Variants in LOXL3 observed in about 807,000 individuals in gnomAD.
The protein encoded by LOXL3 is lysyl oxidase homolog 3.
In LOXL3, 60 loss-of-function variants were observed where a neutral mutation model predicts 91.8. That is an observed-to-expected ratio of 0.65 (90% CI 0.53 to 0.81). LOXL3 has a LOEUF of 0.81. Ranked by LOEUF, LOXL3 falls within the 30% of genes least tolerant of loss-of-function variation. The pLI is 0.00. For missense variants in LOXL3, 874 were observed against 1,000.4 expected (o/e 0.87, Z 1.70); for synonymous variants, 355 against 387.6 (o/e 0.92, Z 0.99).
chr2:74,543,721 T>C (rs1431929243), intron 4 of LOXL3, among the ~76,000 whole-genome samples: 2 of 150,570 alleles, frequency 1.3e-5, no homozygotes, highest in East Asian at 4.0e-4. Context: ...AGAAACCCCA[T>C]CTTTACTAAA....
chr2:74,540,138 C>T (rs1676241661), intron 4 of LOXL3, among the ~76,000 whole-genome samples: 1 of 152,174 alleles, frequency 6.6e-6, no homozygotes, highest in Admixed American at 6.5e-5. Flanking sequence ...TGAGCCACCG[C>T]ACCTGGCTGA....
chr2:74,549,122 G>A lies in LOXL3; in HGVS notation c.692+247C>T. The A allele has an allele frequency of 2.7e-6, 1 of 369,812 alleles. No homozygotes were observed. The highest frequency in any genetic ancestry group is 4.2e-5 in the East Asian group (1 of 23,762). 22.9% of individuals were successfully genotyped at this position (369,812 alleles called of 1,614,324 possible). ...CCGGGGCCGAGGAATCCGCCTGCCCGCCCAGGCGTCGGCCACGAGAGAGCG... is the reference window on the plus strand; with the variant it reads ...CCGGGGCCGAGGAATCCGCCTGCCCACCCAGGCGTCGGCCACGAGAGAGCG... On this transcript the variant is annotated intron_variant, in intron 4 of 13. Transcript: ENST00000264094. The surrounding 1 kb of genome is among the most constrained non-coding windows in gnomAD (Gnocchi z 5.3).
Position 74,552,801 on chromosome 2 carries a change from G to C in LOXL3, c.-12-155C>G, listed in dbSNP as rs1677104049. On this transcript the variant is annotated intron_variant, in intron 1 of 13. Coordinates refer to ENST00000264094, the MANE Select transcript of LOXL3 (RefSeq NM_032603.5). ...AGAGAAAGAGCCCCAGGGACCAAGA[G>C]ACAGGGAGAGAAACACATTAAATAA... 3 of 653,764 alleles carry C rather than the reference G, an allele frequency of 4.6e-6. No homozygotes were observed. The Admixed American group carries it at 9.2e-5, about 20-fold the overall frequency. 40.5% of individuals were successfully genotyped at this position (653,764 alleles called of 1,614,324 possible). A position where few individuals can be genotyped will look rare whatever the true frequency, so the allele number is the denominator to read the frequency against.
At position 74,536,052 on chromosome 2, in the gene LOXL3, G is replaced by A; in HGVS notation, c.1192C>T (p.His398Tyr). 6.2e-7 allele frequency: 1 copy of A among 1,610,196 alleles called. No individual in the cohort carries two copies. Among genetic ancestry groups the A allele is most frequent in the Non-Finnish European group, 8.5e-7 (1 of 1,178,160 alleles). The stretch of plus-strand genomic sequence containing the variant: ...CACCGGACCCCGGCATCCTGGCTAT[G>A]TGAACAATCCTCAGCTGTGATGTTC... ...HKNITAEDCSHSQDAGVRCNL... is the reference protein window; with the variant it reads ...HKNITAEDCSYSQDAGVRCNL... Residue 398 changes from histidine (H) to tyrosine (Y), a missense_variant, in exon 7 of 14, where the codon CAT (histidine) becomes TAT (tyrosine). Physicochemically the swap from His to Tyr is moderately conservative, Grantham distance 83. Transcript: ENST00000264094. This position sits in a 1 kb window ranked among gnomAD's most constrained non-coding sequence, Gnocchi z 4.5.
In LOXL3 at chr2:74,533,131, AATC is replaced by A. The variant is rs1336082166; in HGVS notation, c.*472_*474del. On this transcript the variant is annotated 3_prime_UTR_variant, in exon 14 of 14. Coordinates refer to ENST00000264094, the MANE Select transcript of LOXL3 (RefSeq NM_032603.5). ...CAGCACTGACTCCTGGGCTCTGAAG[AATC>A]ACAGAAACACTTTTTATATAAAATA... The A allele has an allele frequency of 2.5e-5, 17 of 674,116 alleles. 1 individual carries two copies. In the East Asian group the frequency reaches 4.6e-4, roughly 18 times the overall value. The allele number at this position is 674,116 out of a possible 1,614,324, so 41.8% of individuals were successfully genotyped here.
chr2:74,534,219 C>T lies in LOXL3; in HGVS notation c.1957G>A (p.Glu653Lys), dbSNP rs768559100. ...ECQEDVSKRY[E>K]CANFGEQGIT... ...CCTTGCTCTCCAAAGTTGGCACACT[C>T]ATACCGCTTGGAGACATCTGGAGGG... is the stretch of plus-strand genomic sequence containing the variant. Residue 653 changes from glutamate to lysine, a missense_variant, in exon 12 of 14, where the codon GAG becomes AAG. Glu to Lys is a moderately conservative substitution (Grantham distance 56, BLOSUM62 1). Transcript: ENST00000264094. The T allele has an allele frequency of 2.5e-6, 4 of 1,614,220 alleles. No individual in the cohort carries two copies. Among genetic ancestry groups the T allele is most frequent in the Non-Finnish European group, 8.5e-7 (1 of 1,180,044 alleles).
chr2:74,552,282 A>T, intron 2 of LOXL3, 40 bp downstream of exon 2: 4 of 1,560,358 alleles, frequency 2.6e-6, no homozygotes. Context: ...CTTTGGCCAC[A>T]CATAGGAAAT....
Position 74,549,475 on chromosome 2 carries a change from C to G in LOXL3, c.586G>C (p.Gly196Arg), listed in dbSNP as rs201296491. 1.9e-6 allele frequency: 3 copies of G among 1,613,380 alleles called. No homozygotes were observed. The South Asian group carries it at 3.3e-5, about 18-fold the overall frequency. The change falls in exon 4 of 14, where the codon GGC (glycine) becomes CGC (arginine). Residue 196 changes from glycine (G) to arginine (R), a missense_variant. By Grantham distance (125) the Gly-to-Arg change is moderately radical. Coordinates refer to ENST00000264094, the MANE Select transcript of LOXL3 (RefSeq NM_032603.5). The surrounding 1 kb of genome is among the most constrained non-coding windows in gnomAD (Gnocchi z 5.3). ...EGLVEVRLPD[G>R]WSQVCDKGWS... is the part of the protein sequence containing the mutation. ...CCTTTGTCGCACACTTGCGACCAGC[C>G]GTCAGGAAGCCTGACTTCCACCAGC...
At position 74,535,700 on chromosome 2, in the gene LOXL3, C is replaced by G. The variant is rs1324233550; in HGVS notation, c.1304G>C (p.Gly435Ala). 6.2e-7 allele frequency: 1 copy of G among 1,604,370 alleles called. No homozygotes were observed. The highest frequency in any genetic ancestry group is 8.5e-7 in the Non-Finnish European group (1 of 1,177,276). Residue 435 changes from glycine to alanine, a missense_variant, in exon 8 of 14, where the codon GGG becomes GCG. Physicochemically the swap from Gly to Ala is moderately conservative, Grantham distance 60 (BLOSUM62 0). Transcript: ENST00000264094. This position sits in a 1 kb window ranked among gnomAD's most constrained non-coding sequence, Gnocchi z 4.2. ...QHEGRVEVQI[G>A]GPGPLRWGLI... ...GCCCCAGCGAAGGGGCCCAGGTCCC[C>G]CTATTTGCACCTCGACTCGCCCCTC...
chr2:74,536,918 G>A lies in LOXL3; in HGVS notation c.703C>T (p.Gln235Ter). ...VNAAFYRLLA[Q>*]RQQHSFGLHG... Reference sequence around the variant, plus strand: ...AGACCAAAGGAGTGTTGCTGCCGTTGGGCTAGCAGCCTAGGGGGACAGGAG... The same window carrying A: ...AGACCAAAGGAGTGTTGCTGCCGTTAGGCTAGCAGCCTAGGGGGACAGGAG... Residue 235 changes from glutamine to a stop codon, truncating the protein, a stop_gained, in exon 5 of 14, where the codon CAA becomes TAA. Transcript: ENST00000264094. LOFTEE classifies it high-confidence loss of function. This position sits in a 1 kb window ranked among gnomAD's most constrained non-coding sequence, Gnocchi z 4.5. 6.2e-7 allele frequency: 1 copy of A among 1,614,114 alleles called. No individual in the cohort carries two copies. Among genetic ancestry groups the A allele is most frequent in the Non-Finnish European group, 8.5e-7 (1 of 1,179,986 alleles).
Position 74,534,408 on chromosome 2 carries a change from A to G in LOXL3, c.1847T>C (p.Phe616Ser). The change falls in exon 11 of 14, where the codon TTC (phenylalanine) becomes TCC (serine). Residue 616 changes from phenylalanine to serine, a missense_variant. By Grantham distance (155) the Phe-to-Ser change is radical (BLOSUM62 -2). Coordinates refer to ENST00000264094, the MANE Select transcript of LOXL3 (RefSeq NM_032603.5). Reference sequence around the variant, plus strand: ...TGGGGTGAGGATATCATAGTGAGTGAAGATGTCCATGCTGTGGTAATGCCT... The same window carrying G: ...TGGGGTGAGGATATCATAGTGAGTGGAGATGTCCATGCTGTGGTAATGCCT... Reference protein sequence around the residue: ...CHGHYHSMDIFTHYDILTPNG... With the variant: ...CHGHYHSMDISTHYDILTPNG... The G allele has an allele frequency of 6.2e-7, 1 of 1,614,208 alleles. No individual in the cohort carries two copies. The highest frequency in any genetic ancestry group is 8.5e-7 in the Non-Finnish European group (1 of 1,180,022).
In LOXL3 at chr2:74,534,674, G is replaced by A. The variant is rs1178849102; in HGVS notation, c.1680C>T (p.Cys560=). Residue 560 remains cysteine (C), a synonymous_variant, in exon 10 of 14, where the codon TGC becomes TGT. Coordinates refer to ENST00000264094, the MANE Select transcript of LOXL3 (RefSeq NM_032603.5). The stretch of plus-strand genomic sequence containing the variant: ...TGGCTGAGCGGGCTGAGCTGGCCAG[G>A]CAGTTCTCTTCCGCAGCACAGTACA... ...HMLYCAAEEN[C]LASSARSANW... is the part of the protein sequence containing the mutation. The A allele has an allele frequency of 6.2e-7, 1 of 1,614,210 alleles. No homozygotes were observed.
In LOXL3 at chr2:74,536,532, A is replaced by T. The variant is rs1676033862; in HGVS notation, c.913-61T>A. ...GCAACATCTGCACGGAGGGCTAAGC[A>T]GACCTGGGAGATGAGTGAGACTTTG... On this transcript the variant is annotated intron_variant, in intron 5 of 13. Transcript: ENST00000264094. This position sits in a 1 kb window ranked among gnomAD's most constrained non-coding sequence, Gnocchi z 4.5. 6.5e-7 allele frequency: 1 copy of T among 1,540,068 alleles called. No individual in the cohort carries two copies. Among genetic ancestry groups the T allele is most frequent in the Non-Finnish European group, 8.8e-7 (1 of 1,134,952 alleles).
intron 1 of LOXL3, 64 bp from the exon 2 acceptor site, chr2:74,552,710 A>C (rs1466272806): frequency 1.5e-6 from 2 of 1,368,784 alleles, no homozygotes; most frequent in Non-Finnish European, 1.9e-6. Flanking sequence ...AGAGTCAGAA[A>C]GAGAGGGAGA....
intron 4 of LOXL3, among the ~76,000 whole-genome samples, chr2:74,537,475 C>T (rs1303392305): frequency 6.6e-6 from 1 of 152,162 alleles, no homozygotes; most frequent in East Asian, 1.9e-4. Context: ...TTAGGAGGGG[C>T]AGATGCAGCA....
rs1206001953 is a variant in LOXL3, at chr2:74,533,063, CAG to C, written c.*541_*542del. 5.5e-6 allele frequency: 8 copies of C among 1,444,954 alleles called. No individual in the cohort carries two copies. Among genetic ancestry groups the C allele is most frequent in the Non-Finnish European group, 7.7e-6 (8 of 1,036,722 alleles). The allele number at this position is 1,444,954 out of a possible 1,614,324, so 89.5% of individuals were successfully genotyped here. A position where few individuals can be genotyped will look rare whatever the true frequency, so the allele number is the denominator to read the frequency against. On this transcript the variant is annotated 3_prime_UTR_variant, in exon 14 of 14. Coordinates refer to ENST00000264094, the MANE Select transcript of LOXL3 (RefSeq NM_032603.5). The stretch of plus-strand genomic sequence containing the variant: ...GGCTGAGGTTCTGAGGGCACCGAGA[CAG>C]AGGGTTAAATGAACCAGTGGGGGCA...
intron 2 of LOXL3, among the ~76,000 whole-genome samples, chr2:74,552,028 G>A (rs1203435972): frequency 2.0e-5 from 3 of 152,214 alleles, no homozygotes; most frequent in Non-Finnish European, 4.4e-5. Flanking sequence ...CCTGTATCTG[G>A]GCTGTTTTGT....
At chr2:74,541,503 T>G (rs957409758) in intron 4 of LOXL3, among the ~76,000 whole-genome samples, 13 of 152,256 alleles carry the variant, frequency 8.5e-5, no homozygotes, top group African/African-American at 3.1e-4. Context: ...AATATACAAC[T>G]CTCAGGTCCC....
chr2:74,544,561 A>G (rs1337012583), intron 4 of LOXL3, among the ~76,000 whole-genome samples: 1 of 152,236 alleles, frequency 6.6e-6, no homozygotes, highest in Non-Finnish European at 1.5e-5. Context: ...AAGCTCTTAG[A>G]GCCTCAATTT....
Sources: allele counts gnomAD v4.1 joint callset (sites outside exome capture counted in the v4.1 genomes callset), GRCh38; gene constraint gnomAD v4.1.1; non-coding constraint Gnocchi (gnomAD v3.1); transcripts MANE v1.5; gene names NCBI Gene and HGNC (gene_info 2026-07-23, HGNC 2026-07-21).